LGALS8: variants seen among roughly 807,000 people sequenced by gnomAD.
LGALS8 encodes galectin 8.
In LGALS8, 30 loss-of-function variants were observed where a neutral mutation model predicts 35.9. That is an observed-to-expected ratio of 0.83 (90% CI 0.62 to 1.13). The LOEUF is 1.13. Ranked by LOEUF, LGALS8 falls within the 50% of genes most tolerant of loss-of-function variation. The probability of loss-of-function intolerance (pLI) is 0.00; values close to 1 mark genes in which losing one functional copy is unlikely to be tolerated. For missense variants in LGALS8, 366 were observed against 388.7 expected (o/e 0.94, Z 0.49); for synonymous variants, 138 against 136.1 (o/e 1.01, Z -0.10).
At position 236,544,801 on chromosome 1, in the gene LGALS8, G is replaced by A; in HGVS notation, c.690G>A (p.Leu230=). 2 of 1,613,542 alleles carry A rather than the reference G, an allele frequency of 1.2e-6. No individual in the cohort carries two copies. Among genetic ancestry groups the A allele is most frequent in the Non-Finnish European group, 1.7e-6 (2 of 1,179,732 alleles). Residue 230 remains leucine, a synonymous_variant, in exon 9 of 10, where the codon TTG becomes TTA. Transcript: ENST00000366584. ...AGKSKDIALH[L]NPRLNIKAFV... Reference sequence around the variant, plus strand: ...AATCAAAGGATATTGCTCTACACTTGAACCCACGCCTGAATATTAAAGCAT... The same window carrying A: ...AATCAAAGGATATTGCTCTACACTTAAACCCACGCCTGAATATTAAAGCAT...
At chr1:236,534,824 G>A (rs1661368795) in intron 2 of LGALS8, among the ~76,000 whole-genome samples, 1 of 151,982 alleles carries the variant, frequency 6.6e-6, no homozygotes, top group South Asian at 2.1e-4. Flanking sequence ...AGCAACCCCA[G>A]TACTTTGGGA....
Position 236,540,692 on chromosome 1 carries a change from C to T in LGALS8, c.465+9C>T. On this transcript the variant is annotated intron_variant, in intron 5 of 9. Coordinates refer to ENST00000366584, the MANE Select transcript of LGALS8 (RefSeq NM_201544.4). ...GTTTTAGCTTCAGCTCGGTGAGTGA[C>T]CTTCCACAGCTTGGGGTCTTTTATG... is the stretch of plus-strand genomic sequence containing the variant. The T allele has an allele frequency of 6.3e-7, 1 of 1,597,004 alleles. No individual in the cohort carries two copies.
At position 236,548,002 on chromosome 1, in the gene LGALS8, T is replaced by C. The variant is rs185264185; in HGVS notation, c.805-10T>C. 1.2e-6 allele frequency: 2 copies of C among 1,608,264 alleles called. No individual in the cohort carries two copies. The highest frequency in any genetic ancestry group is 3.3e-5 in the Admixed American group (2 of 59,952). On this transcript the variant is annotated splice_polypyrimidine_tract_variant and intron_variant, in intron 9 of 9. Coordinates refer to ENST00000366584, the MANE Select transcript of LGALS8 (RefSeq NM_201544.4). ...GGGAACCACTAATGGCATGTATCCT[T>C]TCCTTTCAGATGATAATTTATTGTG...
intron 1 of LGALS8, among the ~76,000 whole-genome samples, chr1:236,525,050 G>C (rs1446812617): frequency 6.6e-6 from 1 of 152,072 alleles, no homozygotes; most frequent in Non-Finnish European, 1.5e-5. Context: ...ATGTAGTGTA[G>C]TGTCCATGAG....
Position 236,548,351 on chromosome 1 carries a change from T to C in LGALS8, c.*190T>C. ...GGTGTCTAGCACTGAATGGGGAAAC[T>C]GGGGGCAGCAACACTTATAGCCAGT... On this transcript the variant is annotated 3_prime_UTR_variant, in exon 10 of 10. Transcript: ENST00000366584. 1.7e-6 allele frequency: 1 copy of C among 589,768 alleles called. No homozygotes were observed. The highest frequency in any genetic ancestry group is 3.0e-6 in the Non-Finnish European group (1 of 337,628). 36.5% of individuals were successfully genotyped at this position (589,768 alleles called of 1,614,324 possible).
intron 6 of LGALS8, chr1:236,542,545 T>A (rs111849605): frequency 0.012 from 7,370 of 597,404 alleles, 73 homozygotes; most frequent in Non-Finnish European, 0.016. Flanking sequence ...AGGACTCAGA[T>A]GAACAGGGAT....
chr1:236,550,972 TCTA>T lies in LGALS8; in HGVS notation c.*2814_*2816del. The T allele has an allele frequency of 6.3e-7, 1 of 1,589,790 alleles. No homozygotes were observed. The highest frequency in any genetic ancestry group is 1.4e-5 in the African/African-American group (1 of 72,778). The stretch of plus-strand genomic sequence containing the variant: ...CTGAATAGTCTTTTGGCACTGATGT[TCTA>T]CTTCTTCACATTCATCTAAAAAAAA... On this transcript the variant is annotated 3_prime_UTR_variant, in exon 10 of 10. Coordinates refer to ENST00000366584, the MANE Select transcript of LGALS8 (RefSeq NM_201544.4).
At position 236,551,135 on chromosome 1, in the gene LGALS8, G is replaced by A; in HGVS notation, c.*2974G>A. 1.5e-6 allele frequency: 1 copy of A among 652,566 alleles called. No individual in the cohort carries two copies. Among genetic ancestry groups the A allele is most frequent in the Non-Finnish European group, 2.5e-6 (1 of 395,288 alleles). The allele number at this position is 652,566 out of a possible 1,614,324, so 40.4% of individuals were successfully genotyped here. ...ATGAAGCACATTAACAAAGCAGGAGGCGCCACGGACCGCCTCCCTCCACAC... is the reference window on the plus strand; with the variant it reads ...ATGAAGCACATTAACAAAGCAGGAGACGCCACGGACCGCCTCCCTCCACAC... On this transcript the variant is annotated 3_prime_UTR_variant, in exon 10 of 10. Transcript: ENST00000366584.
chr1:236,552,314 G>C lies in LGALS8; in HGVS notation c.*4153G>C. On this transcript the variant is annotated 3_prime_UTR_variant, in exon 10 of 10. Coordinates refer to ENST00000366584, the MANE Select transcript of LGALS8 (RefSeq NM_201544.4). ...TGTAATATGTGCAACCTTATAAATA[G>C]TGTTTTCCAAACTGTGTCCCAGGAC... is the stretch of plus-strand genomic sequence containing the variant. 1 of 373,710 alleles carries C rather than the reference G, an allele frequency of 2.7e-6. No individual in the cohort carries two copies. Among genetic ancestry groups the C allele is most frequent in the Non-Finnish European group, 4.8e-6 (1 of 209,396 alleles). 23.1% of individuals were successfully genotyped at this position (373,710 alleles called of 1,614,324 possible).
At chr1:236,545,144 A>G (rs1038799709) in intron 9 of LGALS8, 2 of 353,056 alleles carry the variant, frequency 5.7e-6, no homozygotes, top group Non-Finnish European at 5.2e-6. Context: ...TTGTCATCAT[A>G]TTAAAATTCC....
At chr1:236,538,508 G>A (rs951793865) in intron 3 of LGALS8, among the ~76,000 whole-genome samples, 1 of 152,322 alleles carries the variant, frequency 6.6e-6, no homozygotes, top group Non-Finnish European at 1.5e-5. Flanking sequence ...TGGTGTTTGC[G>A]GGGAAACAGA....
rs1376328765 is a variant in LGALS8, at chr1:236,548,046, T to C, written c.839T>C (p.Val280Ala). ...IIYCDVREFK[V>A]AVNGVHSLEY... is the part of the protein sequence containing the mutation. ...TATTGTGATGTTAGAGAATTCAAGG[T>C]TGCAGTAAATGGCGTACACAGCCTG... is the stretch of plus-strand genomic sequence containing the variant. Residue 280 changes from valine (V) to alanine (A), a missense_variant, in exon 10 of 10, where the codon GTT (valine) becomes GCT (alanine). By Grantham distance (64) the Val-to-Ala change is moderately conservative (BLOSUM62 0). Coordinates refer to ENST00000366584, the MANE Select transcript of LGALS8 (RefSeq NM_201544.4). 3.7e-6 allele frequency: 6 copies of C among 1,612,512 alleles called. No homozygotes were observed. The highest frequency in any genetic ancestry group is 5.1e-6 in the Non-Finnish European group (6 of 1,178,508).
chr1:236,524,623 G>C, intron 1 of LGALS8: 1 of 357,924 alleles, frequency 2.8e-6, no homozygotes, highest in Admixed American at 3.6e-5. Flanking sequence ...ATGGCTGCTT[G>C]TGATGCATAC....
chr1:236,544,285 G>C (rs1572017968), intron 8 of LGALS8, among the ~76,000 whole-genome samples: 1 of 152,162 alleles, frequency 6.6e-6, no homozygotes, highest in Non-Finnish European at 1.5e-5. Flanking sequence ...CTTGTCATGT[G>C]ATTTAGAAAA....
At position 236,548,395 on chromosome 1, in the gene LGALS8, TCTC is replaced by T. The variant is rs1662545562; in HGVS notation, c.*237_*239del. ...AGCCAGTTAAAGCCACTCTGCCCTC[TCTC>T]CTACTTTGGCTGACTCTTCAAGAAT... On this transcript the variant is annotated 3_prime_UTR_variant, in exon 10 of 10. Transcript: ENST00000366584. 1 of 500,318 alleles carries T rather than the reference TCTC, an allele frequency of 2.0e-6. No homozygotes were observed. Among genetic ancestry groups the T allele is most frequent in the Non-Finnish European group, 3.6e-6 (1 of 280,162 alleles). 31.0% of individuals were successfully genotyped at this position (500,318 alleles called of 1,614,324 possible). A position where few individuals can be genotyped will look rare whatever the true frequency, so the allele number is the denominator to read the frequency against.
At chr1:236,538,769 G>A in intron 3 of LGALS8, 110 bp from the exon 4 acceptor site, 1 of 745,060 alleles carries the variant, frequency 1.3e-6, no homozygotes, top group South Asian at 1.5e-5. Context: ...GAATGAGGAG[G>A]GATTGGTCAG....
chr1:236,552,129 A>G lies in LGALS8; in HGVS notation c.*3968A>G. The G allele has an allele frequency of 2.1e-6, 3 of 1,442,682 alleles. No homozygotes were observed. The highest frequency in any genetic ancestry group is 2.9e-6 in the Non-Finnish European group (3 of 1,026,336). The allele number at this position is 1,442,682 out of a possible 1,614,324, so 89.4% of individuals were successfully genotyped here. On this transcript the variant is annotated 3_prime_UTR_variant, in exon 10 of 10. Coordinates refer to ENST00000366584, the MANE Select transcript of LGALS8 (RefSeq NM_201544.4). ...GAACCTGAAAGGGATAAAAGAGCAA[A>G]GAAATAAAAAGTAGTGTTACTGTAT...
At chr1:236,539,115 A>C (rs1661779387) in intron 4 of LGALS8, 26 bp downstream of exon 4, 3 of 1,576,016 alleles carry the variant, frequency 1.9e-6, no homozygotes, top group Non-Finnish European at 2.6e-6. Flanking sequence ...GGACAGGTTG[A>C]GTCCTCATTA....
rs548113542 is a variant in LGALS8, at chr1:236,538,086, C to CAA, written c.134+512_134+513dup. Among the ~76,000 whole-genome samples the CAA allele has an allele frequency of 5.4e-3, 268 of 50,082 alleles. 20 individuals are homozygous for CAA. The highest frequency in any genetic ancestry group is 0.011 in the African/African-American group (232 of 20,684). 32.9% of individuals were successfully genotyped at this position (50,082 alleles called of 152,430 possible). On this transcript the variant is annotated intron_variant, in intron 3 of 9. Transcript: ENST00000366584. ...AGCCACTGCACTATAGCCTGGGTGA[C>CAA]AAAAAAAAAAAAGAAAAAGAAAAAG...
Sources: allele counts gnomAD v4.1 joint callset (sites outside exome capture counted in the v4.1 genomes callset), GRCh38; gene constraint gnomAD v4.1.1; transcripts MANE v1.5; gene names NCBI Gene and HGNC (gene_info 2026-07-23, HGNC 2026-07-21).